Variants in COG4 observed in about 807,000 individuals in gnomAD.
The protein encoded by COG4 is component of oligomeric golgi complex 4.
Under a neutral mutation model 95.1 loss-of-function variants are expected in COG4, and 65 were observed. The observed-to-expected ratio is 0.68, with a 90% CI of 0.56 to 0.84. COG4 has a LOEUF of 0.84. Ranked by LOEUF, COG4 falls within the 40% of genes least tolerant of loss-of-function variation. The probability of loss-of-function intolerance (pLI) is 0.00; values close to 1 mark genes in which losing one functional copy is unlikely to be tolerated. For missense variants in COG4, 1,045 were observed against 989.1 expected, an observed-to-expected ratio of 1.06 and a Z score of -0.76; for synonymous variants, 421 against 374.8, an observed-to-expected ratio of 1.12 and a Z score of -1.42.
Position 70,523,420 on chromosome 16 carries a change from C to G in COG4, c.124G>C (p.Glu42Gln). 6.2e-7 allele frequency: 1 copy of G among 1,614,112 alleles called. No individual in the cohort carries two copies. The highest frequency in any genetic ancestry group is 8.5e-7 in the Non-Finnish European group (1 of 1,179,988). Residue 42 changes from glutamate to glutamine, a missense_variant, in exon 1 of 19, where the codon GAG becomes CAG. Physicochemically the swap from Glu to Gln is conservative, Grantham distance 29. Transcript: ENST00000323786. ...ISAELIRSLT[E>Q]LQELEAVYER... ...TATACAGCCTCCAGCTCCTGCAGCT[C>G]TGTCAGGGAGCGAATGAGCTCAGCG...
intron 8 of COG4, among the ~76,000 whole-genome samples, chr16:70,506,558 T>A (rs2049571692): frequency 8.2e-6 from 1 of 121,474 alleles, no homozygotes; most frequent in Admixed American, 1.1e-4. Context: ...ACCATGCCAC[T>A]GCACTCCAGC....
At chr16:70,498,101 G>T in intron 9 of COG4, 46 bp from the exon 10 acceptor site, 1 of 1,206,822 alleles carries the variant, frequency 8.3e-7, no homozygotes, top group Non-Finnish European at 1.2e-6. Flanking sequence ...TTCCCCAAGG[G>T]AAACAGAGCA....
intron 3 of COG4, chr16:70,515,936 T>C (rs2049813289): frequency 6.6e-6 from 3 of 453,614 alleles, no homozygotes; most frequent in South Asian, 4.7e-5. Context: ...CCCAAAGTGT[T>C]AGGATTGCAG....
chr16:70,484,026 G>T, intron 13 of COG4, 57 bp from the exon 14 acceptor site: 1 of 1,262,744 alleles, frequency 7.9e-7, no homozygotes. Flanking sequence ...GGGAGTGTGA[G>T]GAGCCACCAG....
chr16:70,486,131 G>A (rs1197094185), intron 13 of COG4, among the ~76,000 whole-genome samples: 2 of 152,014 alleles, frequency 1.3e-5, no homozygotes, highest in East Asian at 3.9e-4. Flanking sequence ...TCCTGACCTT[G>A]TGATCCGCCC....
intron 3 of COG4, among the ~76,000 whole-genome samples, chr16:70,514,982 G>A (rs1302117022): frequency 6.7e-6 from 1 of 150,372 alleles, no homozygotes; most frequent in Admixed American, 6.7e-5. Flanking sequence ...CCAAAGTGCT[G>A]GGATTACAGG....
chr16:70,481,263 G>A (rs1189668255), intron 18 of COG4, 96 bp downstream of exon 18: 1 of 1,607,118 alleles, frequency 6.2e-7, no homozygotes, highest in Non-Finnish European at 8.5e-7. Context: ...TATAGAGCTG[G>A]CTGCTGGCAG....
At chr16:70,498,489 C>G (rs181478858) in intron 9 of COG4, among the ~76,000 whole-genome samples, 20 of 151,988 alleles carry the variant, frequency 1.3e-4, no homozygotes, top group African/African-American at 4.8e-4. Flanking sequence ...CCACCACGCC[C>G]GGCAAATTTT....
chr16:70,523,225 C>G (rs2049991019), intron 1 of COG4, 148 bp downstream of exon 1: 7 of 929,504 alleles, frequency 7.5e-6, no homozygotes, highest in Admixed American at 1.8e-5. Flanking sequence ...GACAGGACTA[C>G]TCATATACCC....
intron 13 of COG4, among the ~76,000 whole-genome samples, chr16:70,488,113 C>T (rs1421537281): frequency 1.3e-5 from 2 of 151,864 alleles, no homozygotes; most frequent in Admixed American, 6.6e-5. Flanking sequence ...GTGTGAGCCA[C>T]CACACCTGGC....
chr16:70,481,219 C>T (rs1263788132), intron 18 of COG4, 75 bp from the exon 19 acceptor site: 3 of 1,609,950 alleles, frequency 1.9e-6, no homozygotes, highest in African/African-American at 1.3e-5. Context: ...CTACCAGGGG[C>T]AGAGCAGGGG....
At chr16:70,500,797 C>T (rs754824121) in intron 9 of COG4, among the ~76,000 whole-genome samples, 161 bp downstream of exon 9, 4 of 152,168 alleles carry the variant, frequency 2.6e-5, no homozygotes, top group Non-Finnish European at 5.9e-5. Flanking sequence ...ATTCTAAAAT[C>T]CAGTAAATTT....
At chr16:70,505,553 G>A (rs566485091) in intron 8 of COG4, among the ~76,000 whole-genome samples, 1 of 151,372 alleles carries the variant, frequency 6.6e-6, no homozygotes, top group East Asian at 2.0e-4. Flanking sequence ...AGTAGGCTGG[G>A]TGCGGTGGCT....
At chr16:70,486,768 G>A (rs1402858839) in intron 13 of COG4, among the ~76,000 whole-genome samples, 1 of 152,086 alleles carries the variant, frequency 6.6e-6, no homozygotes, top group Non-Finnish European at 1.5e-5. Flanking sequence ...AGGCCGAGGC[G>A]GGCAGATCAC....
intron 13 of COG4, among the ~76,000 whole-genome samples, chr16:70,484,210 T>G (rs1004588828): frequency 2.0e-5 from 3 of 152,206 alleles, no homozygotes; most frequent in African/African-American, 7.2e-5. Context: ...GTTTTTCCTG[T>G]CTTTAGAGTC....
chr16:70,482,846 T>A (rs776249323), intron 14 of COG4, 25 bp from the exon 15 acceptor site: 4 of 1,591,418 alleles, frequency 2.5e-6, no homozygotes, highest in East Asian at 2.2e-5. Flanking sequence ...GGTGGAGACA[T>A]GTGACACAGA....
intron 18 of COG4, 65 bp from the exon 19 acceptor site, chr16:70,481,209 C>T: frequency 1.9e-6 from 3 of 1,609,842 alleles, no homozygotes; most frequent in Non-Finnish European, 2.5e-6. Context: ...GCTCTGGCCT[C>T]TACCAGGGGC....
chr16:70,493,836 T>C (rs895870998), intron 12 of COG4, among the ~76,000 whole-genome samples: 1 of 151,756 alleles, frequency 6.6e-6, no homozygotes, highest in African/African-American at 2.4e-5. Flanking sequence ...AGGGAGGAAA[T>C]AGAGGGCCTG....
chr16:70,482,581 G>A (rs1284351709), intron 15 of COG4, 148 bp downstream of exon 15: 4 of 718,052 alleles, frequency 5.6e-6, no homozygotes, highest in Non-Finnish European at 1.0e-5. Flanking sequence ...TGTTTCCTGG[G>A]AGGAACCTAG....
Sources: allele counts gnomAD v4.1 joint callset (sites outside exome capture counted in the v4.1 genomes callset), GRCh38; gene constraint gnomAD v4.1.1; transcripts MANE v1.5; gene names NCBI Gene and HGNC (gene_info 2026-07-23, HGNC 2026-07-21).